INPP4B: variants seen among roughly 807,000 people sequenced by gnomAD.
INPP4B encodes inositol polyphosphate 4-phosphatase type II.
Under a neutral mutation model 122.5 loss-of-function variants are expected in INPP4B, and 55 were observed. That is an observed-to-expected ratio of 0.45 (90% CI 0.36 to 0.56). The LOEUF (loss-of-function observed/expected upper bound fraction) is 0.56, where lower values mean the gene tolerates loss of function less well. Among genes scored for constraint, INPP4B ranks in the 20% least tolerant of loss-of-function variants. The pLI, the probability that INPP4B is intolerant of heterozygous loss-of-function variation, is 0.00. For synonymous variants in INPP4B, 403 were observed against 388.7 expected (o/e 1.04, Z -0.43); for missense variants, 1,000 against 1,097.7 (o/e 0.91, Z 1.26).
chr4:142,278,050 C>T (rs1444358165), intron 9 of INPP4B, among the ~76,000 whole-genome samples: 1 of 151,830 alleles, frequency 6.6e-6, no homozygotes, highest in Non-Finnish European at 1.5e-5. Flanking sequence ...CCTCAAACAC[C>T]TATTTAAAAA....
chr4:142,834,080 T>C (rs1168179661), intron 1 of INPP4B, among the ~76,000 whole-genome samples: 1 of 152,194 alleles, frequency 6.6e-6, no homozygotes, highest in African/African-American at 2.4e-5. Context: ...TGCTAACATG[T>C]AGCCAAGCTC....
At position 142,038,846 on chromosome 4, in the gene INPP4B, G is replaced by A. The variant is rs375214206; in HGVS notation, c.2643-9932C>T. On this transcript the variant is annotated intron_variant, in intron 25 of 25. Transcript: ENST00000262992. The stretch of plus-strand genomic sequence containing the variant: ...ATCATGTCCTATCATGCAATACGAC[G>A]TCTTTTTAGATATTTTTTTTCATAT... Among the ~76,000 whole-genome samples the A allele has an allele frequency of 2.6e-5, 4 of 152,184 alleles. No individual in the cohort carries two copies. In the East Asian group the frequency reaches 5.8e-4, roughly 22 times the overall value.
intron 2 of INPP4B, among the ~76,000 whole-genome samples, chr4:142,527,745 G>A (rs1305466795): frequency 6.6e-6 from 1 of 152,024 alleles, no homozygotes; most frequent in Non-Finnish European, 1.5e-5. Context: ...GTAATACTCA[G>A]ATCTGTAGGG....
chr4:142,729,901 T>A (rs973707955), intron 1 of INPP4B, among the ~76,000 whole-genome samples: 8 of 152,210 alleles, frequency 5.3e-5, no homozygotes, highest in African/African-American at 1.9e-4. Context: ...GAATCTTTAC[T>A]TTGCTGTACC....
chr4:142,358,650 TA>T (rs11443003), intron 7 of INPP4B, among the ~76,000 whole-genome samples: 184 of 117,652 alleles, frequency 1.6e-3, no homozygotes, highest in Middle Eastern at 4.8e-3. Context: ...CAGTGATTTA[TA>T]AAAAAAAAAA....
chr4:142,432,823 G>A (rs1262144714), intron 3 of INPP4B, among the ~76,000 whole-genome samples: 1 of 152,104 alleles, frequency 6.6e-6, no homozygotes, highest in Admixed American at 6.6e-5. Flanking sequence ...ATGTGAAAAG[G>A]AGGCAGTATG....
intron 14 of INPP4B, among the ~76,000 whole-genome samples, chr4:142,208,099 G>GT (rs1357727881): frequency 6.6e-6 from 1 of 151,798 alleles, no homozygotes; most frequent in Non-Finnish European, 1.5e-5. Context: ...AACAAATTTT[G>GT]TTTTTTATTT....
intron 7 of INPP4B, among the ~76,000 whole-genome samples, chr4:142,335,444 A>G (rs2627802): frequency 0.39 from 59,624 of 152,004 alleles, 14,143 homozygotes; most frequent in Non-Finnish European, 0.53. Context: ...CATTAATACC[A>G]GCATTTATTT....
At chr4:142,733,587 G>A (rs1766402457) in intron 1 of INPP4B, among the ~76,000 whole-genome samples, 1 of 151,978 alleles carries the variant, frequency 6.6e-6, no homozygotes, top group South Asian at 2.1e-4. Context: ...GTCACTATAA[G>A]CAGACAAATG....
At chr4:142,076,856 T>C (rs1292195112) in intron 25 of INPP4B, among the ~76,000 whole-genome samples, 1 of 151,960 alleles carries the variant, frequency 6.6e-6, no homozygotes, top group Non-Finnish European at 1.5e-5. Flanking sequence ...AGCTCTTCTC[T>C]AAAAGTACAA....
chr4:142,070,485 A>G (rs1766565559), intron 25 of INPP4B, among the ~76,000 whole-genome samples: 1 of 152,206 alleles, frequency 6.6e-6, no homozygotes, highest in Non-Finnish European at 1.5e-5. Flanking sequence ...AGTTCTGGCC[A>G]GGACAATCAG....
chr4:142,839,874 A>AT (rs1356567017), intron 1 of INPP4B, among the ~76,000 whole-genome samples: 1 of 152,218 alleles, frequency 6.6e-6, no homozygotes, highest in Admixed American at 6.5e-5. Context: ...CATTAACTTA[A>AT]TTTCTTTGTT....
chr4:142,608,809 C>G (rs894863908), intron 2 of INPP4B, among the ~76,000 whole-genome samples: 1 of 152,194 alleles, frequency 6.6e-6, no homozygotes, highest in Non-Finnish European at 1.5e-5. Flanking sequence ...TCTCTGTCTT[C>G]ACTGTATCTC....
intron 10 of INPP4B, among the ~76,000 whole-genome samples, chr4:142,264,818 T>C (rs1430623671): frequency 2.0e-5 from 3 of 152,024 alleles, no homozygotes; most frequent in Non-Finnish European, 2.9e-5. Context: ...TATTTGGAGA[T>C]AAGGGCCTAT....
In INPP4B at chr4:142,173,768, G is replaced by C. The variant is rs1463908639; in HGVS notation, c.1223C>G (p.Ala408Gly). ...GTTGCTGAGAACTTCCTTTGCTTTGGCTGTGTTTTCAGGTGAATAGTAAAT... is the reference window on the plus strand; with the variant it reads ...GTTGCTGAGAACTTCCTTTGCTTTGCCTGTGTTTTCAGGTGAATAGTAAAT... ...QFIYYSPENT[A>G]KAKEVLSNIN... The change falls in exon 16 of 26, where the codon GCC (alanine) becomes GGC (glycine). Residue 408 changes from alanine (A) to glycine (G), a missense_variant. Coordinates refer to ENST00000262992, the MANE Select transcript of INPP4B (RefSeq NM_001101669.3). 3 of 1,612,974 alleles carry C rather than the reference G, an allele frequency of 1.9e-6. No homozygotes were observed. The South Asian group carries it at 3.3e-5, about 18-fold the overall frequency.
intron 1 of INPP4B, among the ~76,000 whole-genome samples, chr4:142,761,942 C>T (rs1418849089): frequency 1.3e-5 from 2 of 152,038 alleles, no homozygotes; most frequent in South Asian, 2.1e-4. Context: ...ATTATGGTTC[C>T]TAGCCAAAAA....
intron 9 of INPP4B, among the ~76,000 whole-genome samples, chr4:142,292,863 G>T (rs1028499157): frequency 6.6e-6 from 1 of 151,972 alleles, no homozygotes; most frequent in Admixed American, 6.6e-5. Context: ...TGTTTTTCTT[G>T]TATAATGTAA....
At chr4:142,632,628 T>G (rs1748221568) in intron 2 of INPP4B, among the ~76,000 whole-genome samples, 1 of 151,984 alleles carries the variant, frequency 6.6e-6, no homozygotes. Flanking sequence ...ATACAAATAA[T>G]AACTTTTAGA....
At chr4:142,083,702 T>C (rs1253003345) in intron 24 of INPP4B, among the ~76,000 whole-genome samples, 1 of 152,288 alleles carries the variant, frequency 6.6e-6, no homozygotes, top group Admixed American at 6.5e-5. Flanking sequence ...GTACTTCTAT[T>C]TCCAATATAA....
Sources: gnomAD v4.1 joint callset for allele counts (sites outside exome capture counted in the v4.1 genomes callset) on GRCh38, gnomAD v4.1.1 for gene constraint, MANE v1.5 for transcripts, NCBI Gene and HGNC (gene_info 2026-07-23, HGNC 2026-07-21) for gene names.